Variants in GPR75 observed in about 807,000 individuals in gnomAD.
GPR75 encodes probable G protein-coupled receptor 75.
GPR75 carries 27 observed loss-of-function variants against 26.0 expected under a neutral mutation model. That is an observed-to-expected ratio of 1.04 (90% CI 0.77 to 1.43). GPR75 has a LOEUF of 1.43. GPR75 is among the 40% of genes most tolerant of loss of function. The pLI, the probability that GPR75 is intolerant of heterozygous loss-of-function variation, is 0.00. For synonymous variants in GPR75, 285 were observed against 256.3 expected, an observed-to-expected ratio of 1.11 and a Z score of -1.07; for missense variants, 699 against 662.3, an observed-to-expected ratio of 1.06 and a Z score of -0.61.
chr2:53,859,622 T>TG (rs1308524097), intron 1 of GPR75, among the ~76,000 whole-genome samples: 12 of 2,246 alleles, frequency 5.3e-3, no homozygotes, highest in African/African-American at 0.02. Context: ...GGTGGGTGGG[T>TG]GGGTGGGGGG....
Position 53,853,342 on chromosome 2 carries a change from G to C in GPR75, c.1415C>G (p.Ser472Trp). 3.7e-6 allele frequency: 6 copies of C among 1,613,706 alleles called. No individual in the cohort carries two copies. Among genetic ancestry groups the C allele is most frequent in the Non-Finnish European group, 5.1e-6 (6 of 1,179,590 alleles). Residue 472 changes from serine to tryptophan, a missense_variant, in exon 2 of 2, where the codon TCG (serine) becomes TGG (tryptophan). Physicochemically the swap from Ser to Trp is radical, Grantham distance 177 (BLOSUM62 -3). Transcript: ENST00000394705. ...AGHQHCGQSS[S>W]TPINTRIEPY... Reference sequence around the variant, plus strand: ...TTCAATCCGAGTGTTGATGGGGGTCGAGCTGCTCTGACCACAGTGTTGATG... The same window carrying C: ...TTCAATCCGAGTGTTGATGGGGGTCCAGCTGCTCTGACCACAGTGTTGATG...
chr2:53,852,985 C>G lies in GPR75; in HGVS notation c.*149G>C, dbSNP rs555898434. 59 of 603,434 alleles carry G rather than the reference C, an allele frequency of 9.8e-5. No individual in the cohort carries two copies. In the Middle Eastern group the frequency reaches 1.3e-3, roughly 13 times the overall value. The allele number at this position is 603,434 out of a possible 1,614,324, so 37.4% of individuals were successfully genotyped here. On this transcript the variant is annotated 3_prime_UTR_variant, in exon 2 of 2. Transcript: ENST00000394705. ...AAACTACAAAGCAAATCAACAGATACTGACACATCAGATGAAAGAAAACCA... is the reference window on the plus strand; with the variant it reads ...AAACTACAAAGCAAATCAACAGATAGTGACACATCAGATGAAAGAAAACCA...
chr2:53,853,590 C>G lies in GPR75; in HGVS notation c.1167G>C (p.Trp389Cys), dbSNP rs1286867310. Residue 389 changes from tryptophan (W) to cysteine (C), a missense_variant, in exon 2 of 2, where the codon TGG (tryptophan) becomes TGC (cysteine). Trp to Cys is a radical substitution (Grantham distance 215, BLOSUM62 -2). Transcript: ENST00000394705. ...AACCCAGGCCTATGTATTGGAGGCA[C>G]CAGAGCACTTTCCTTCTCAGCCCTG... ...NSAGLRRKVL[W>C]CLQYIGLGFF... is the part of the protein sequence containing the mutation. 2 of 1,613,954 alleles carry G rather than the reference C, an allele frequency of 1.2e-6. No individual in the cohort carries two copies. Among genetic ancestry groups the G allele is most frequent in the Non-Finnish European group, 8.5e-7 (1 of 1,179,872 alleles).
intron 1 of GPR75, 108 bp downstream of exon 1, chr2:53,859,720 A>T (rs1375908433): frequency 1.3e-6 from 1 of 764,132 alleles, no homozygotes; most frequent in African/African-American, 1.9e-5. Context: ...AGGTACGCGG[A>T]GCCGGGCCTG....
At chr2:53,855,004 A>G in intron 1 of GPR75, 139 bp from the exon 2 acceptor site, 1 of 464,424 alleles carries the variant, frequency 2.2e-6, no homozygotes, top group Non-Finnish European at 3.8e-6. Flanking sequence ...TTCATTTATT[A>G]GCAATGGGGT....
Position 53,854,064 on chromosome 2 carries a change from C to G in GPR75, c.693G>C (p.Lys231Asn), listed in dbSNP as rs1312350718. ...SYIMIAQTLRKNAQVRKCPPV... is the reference protein window; with the variant it reads ...SYIMIAQTLRNNAQVRKCPPV... Reference sequence around the variant, plus strand: ...GGGGGCACTTTCTGACTTGAGCGTTCTTCCGCAGGGTCTGAGCAATCATGA... The same window carrying G: ...GGGGGCACTTTCTGACTTGAGCGTTGTTCCGCAGGGTCTGAGCAATCATGA... Residue 231 changes from lysine (K) to asparagine (N), a missense_variant, in exon 2 of 2, where the codon AAG (lysine) becomes AAC (asparagine). Physicochemically the swap from Lys to Asn is moderately conservative, Grantham distance 94 (BLOSUM62 0). Transcript: ENST00000394705. 1 of 1,614,218 alleles carries G rather than the reference C, an allele frequency of 6.2e-7. No homozygotes were observed. The highest frequency in any genetic ancestry group is 8.5e-7 in the Non-Finnish European group (1 of 1,180,042).
rs1678335029 is a variant in GPR75 at position 53,859,899 on chromosome 2, A to G, written c.-181T>C. On this transcript the variant is annotated 5_prime_UTR_variant, in exon 1 of 2. Coordinates refer to ENST00000394705, the MANE Select transcript of GPR75 (RefSeq NM_006794.4). ...ACCCCAGCTCCGCCTGCCGCTCTGG[A>G]TGATGCAGGACTAGAGGCATCATCG... 1 of 1,531,718 alleles carries G rather than the reference A, an allele frequency of 6.5e-7. No homozygotes were observed. Among genetic ancestry groups the G allele is most frequent in the South Asian group, 1.2e-5 (1 of 83,306 alleles). The allele number at this position is 1,531,718 out of a possible 1,614,324, so 94.9% of individuals were successfully genotyped here.
chr2:53,853,092 A>C lies in GPR75; in HGVS notation c.*42T>G. 1 of 1,442,178 alleles carries C rather than the reference A, an allele frequency of 6.9e-7. No homozygotes were observed. Among genetic ancestry groups the C allele is most frequent in the Non-Finnish European group, 9.6e-7 (1 of 1,046,806 alleles). 89.3% of individuals were successfully genotyped at this position (1,442,178 alleles called of 1,614,324 possible). On this transcript the variant is annotated 3_prime_UTR_variant, in exon 2 of 2. Transcript: ENST00000394705. ...TTAGAATAAAGTCCATTACTATCAG[A>C]AACAAAAACTGTTTACATAAGATCC...
In GPR75 at chr2:53,853,396, C is replaced by A. The variant is rs1297509900; in HGVS notation, c.1361G>T (p.Ser454Ile). The change falls in exon 2 of 2, where the codon AGT becomes ATT. Residue 454 changes from serine (S) to isoleucine (I), a missense_variant. Coordinates refer to ENST00000394705, the MANE Select transcript of GPR75 (RefSeq NM_006794.4). Reference sequence around the variant, plus strand: ...AGCAGAGATCTTGGGACTCACCATACTTTCTTTTGAATGACTTGGGCCACA... The same window carrying A: ...AGCAGAGATCTTGGGACTCACCATAATTTCTTTTGAATGACTTGGGCCACA... Reference protein sequence around the residue: ...QACGPSHSKESMVSPKISAGH... With the variant: ...QACGPSHSKEIMVSPKISAGH... 6.2e-7 allele frequency: 1 copy of A among 1,614,156 alleles called. No homozygotes were observed. Among genetic ancestry groups the A allele is most frequent in the Non-Finnish European group, 8.5e-7 (1 of 1,180,048 alleles).
At chr2:53,859,024 C>T (rs1678304890) in intron 1 of GPR75, among the ~76,000 whole-genome samples, 1 of 149,426 alleles carries the variant, frequency 6.7e-6, no homozygotes, top group Admixed American at 6.8e-5. Flanking sequence ...ATTTGAGTGG[C>T]AATGATTTTT....
Position 53,854,591 on chromosome 2 carries a change from C to T in GPR75, c.166G>A (p.Gly56Ser). 1.2e-6 allele frequency: 2 copies of T among 1,613,890 alleles called. No homozygotes were observed. Among genetic ancestry groups the T allele is most frequent in the Non-Finnish European group, 1.7e-6 (2 of 1,179,946 alleles). The part of the protein sequence containing the change: ...TFLLAVIFCL[G>S]SYGNFIVFLS... Reference sequence around the variant, plus strand: ...AAGACAATGAAGTTGCCATAGGAACCCAGGCAGAAGATGACCGCCAGTAGA... The same window carrying T: ...AAGACAATGAAGTTGCCATAGGAACTCAGGCAGAAGATGACCGCCAGTAGA... Residue 56 changes from glycine to serine, a missense_variant, in exon 2 of 2, where the codon GGT (glycine) becomes AGT (serine). By Grantham distance (56) the Gly-to-Ser change is moderately conservative. Coordinates refer to ENST00000394705, the MANE Select transcript of GPR75 (RefSeq NM_006794.4).
chr2:53,855,644 G>T (rs1274198248), intron 1 of GPR75, among the ~76,000 whole-genome samples: 2 of 152,086 alleles, frequency 1.3e-5, no homozygotes, highest in African/African-American at 2.4e-5. Context: ...GGACAGACAG[G>T]CTAAGAGAAG....
intron 1 of GPR75, among the ~76,000 whole-genome samples, chr2:53,858,249 T>C (rs538016297): frequency 2.0e-5 from 3 of 152,308 alleles, no homozygotes; most frequent in Admixed American, 6.5e-5. Context: ...CAGGCACCTA[T>C]TCTAGAGGCT....
chr2:53,857,656 A>G (rs1678267762), intron 1 of GPR75, among the ~76,000 whole-genome samples: 1 of 152,214 alleles, frequency 6.6e-6, no homozygotes, highest in African/African-American at 2.4e-5. Context: ...AATAGGAGGC[A>G]GGAGGAAAAA....
At chr2:53,856,952 T>TTTC (rs1396939532) in intron 1 of GPR75, among the ~76,000 whole-genome samples, 4 of 107,942 alleles carry the variant, frequency 3.7e-5, no homozygotes, top group African/African-American at 1.7e-4. Context: ...GACAATTTTT[T>TTTC]TTTTTTTTTT....
At chr2:53,857,025 G>A (rs1007501006) in intron 1 of GPR75, among the ~76,000 whole-genome samples, 1 of 133,090 alleles carries the variant, frequency 7.5e-6, no homozygotes, top group African/African-American at 2.8e-5. Flanking sequence ...CTGCAGTGGC[G>A]CAATCTCGGC....
intron 1 of GPR75, among the ~76,000 whole-genome samples, chr2:53,855,834 C>G (rs1678212671): frequency 1.3e-5 from 2 of 152,130 alleles, no homozygotes; most frequent in Non-Finnish European, 2.9e-5. Context: ...TAATTTTTCC[C>G]CCAGCTTGCA....
At position 53,853,848 on chromosome 2, in the gene GPR75, G is replaced by A; in HGVS notation, c.909C>T (p.Leu303=). 2 of 1,614,134 alleles carry A rather than the reference G, an allele frequency of 1.2e-6. No homozygotes were observed. The highest frequency in any genetic ancestry group is 1.1e-5 in the South Asian group (1 of 91,070). ...NQLVTPAASR[L]QLVSAINLST... Reference sequence around the variant, plus strand: ...AGAGGTTGATGGCTGATACGAGCTGGAGTCGGCTTGCTGCAGGGGTGACCA... The same window carrying A: ...AGAGGTTGATGGCTGATACGAGCTGAAGTCGGCTTGCTGCAGGGGTGACCA... Residue 303 remains leucine, a synonymous_variant, in exon 2 of 2, where the codon CTC becomes CTT. Transcript: ENST00000394705.
rs367657105 is a variant in GPR75 at position 53,853,412 on chromosome 2, T to C, written c.1345A>G (p.Ser449Gly). The change falls in exon 2 of 2, where the codon AGT (serine) becomes GGT (glycine). Residue 449 changes from serine (S) to glycine (G), a missense_variant. By Grantham distance (56) the Ser-to-Gly change is moderately conservative (BLOSUM62 0). Coordinates refer to ENST00000394705, the MANE Select transcript of GPR75 (RefSeq NM_006794.4). ...CTCACCATACTTTCTTTTGAATGAC[T>C]TGGGCCACAAGCCTGGTCCACAAAT... is the stretch of plus-strand genomic sequence containing the variant. ...KKFVDQACGP[S>G]HSKESMVSPK... 3.7e-6 allele frequency: 6 copies of C among 1,614,084 alleles called. No individual in the cohort carries two copies. In the Admixed American group the frequency reaches 1.0e-4, roughly 27 times the overall value.
Sources: gnomAD v4.1 joint callset for allele counts (sites outside exome capture counted in the v4.1 genomes callset) on GRCh38, gnomAD v4.1.1 for gene constraint, MANE v1.5 for transcripts, NCBI Gene and HGNC (gene_info 2026-07-23, HGNC 2026-07-21) for gene names.